Variants in CDH8 observed in about 807,000 individuals in gnomAD.
CDH8 encodes the protein cadherin-8.
In CDH8, 17 loss-of-function variants were observed where a neutral mutation model predicts 68.1. That is an observed-to-expected ratio of 0.25 (90% CI 0.17 to 0.37). The LOEUF (loss-of-function observed/expected upper bound fraction) is 0.37. CDH8 is among the 10% of genes least tolerant of loss of function. CDH8 has a pLI of 1.00. For synonymous variants in CDH8, 372 were observed against 365.1 expected (o/e 1.02, Z -0.21); for missense variants, 763 against 999.3 (o/e 0.76, Z 3.19).
intron 8 of CDH8, among the ~76,000 whole-genome samples, chr16:61,733,026 T>A (rs1378532181): frequency 6.6e-6 from 1 of 151,830 alleles, no homozygotes; most frequent in Non-Finnish European, 1.5e-5. Context: ...TCCTCTAAGA[T>A]TCTTTTAAAA....
chr16:62,003,260 C>T (rs892006493), intron 2 of CDH8, among the ~76,000 whole-genome samples: 1 of 152,148 alleles, frequency 6.6e-6, no homozygotes, highest in Admixed American at 6.5e-5. Flanking sequence ...TTTATTTCAA[C>T]AAATTCCATG....
intron 5 of CDH8, among the ~76,000 whole-genome samples, chr16:61,823,196 T>C (rs1962253866): frequency 6.6e-6 from 1 of 151,874 alleles, no homozygotes; most frequent in South Asian, 2.1e-4. Context: ...TCCTCTATCC[T>C]TTCTAGCTTG....
At chr16:61,745,660 C>T (rs1055928180) in intron 8 of CDH8, among the ~76,000 whole-genome samples, 2 of 146,630 alleles carry the variant, frequency 1.4e-5, no homozygotes, top group Non-Finnish European at 3.0e-5. Context: ...TATATTGTTA[C>T]TTTAACACAC....
At chr16:61,727,455 T>C (rs1959408105) in intron 8 of CDH8, among the ~76,000 whole-genome samples, 1 of 151,138 alleles carries the variant, frequency 6.6e-6, no homozygotes. Context: ...AGACCATTTC[T>C]GAATAAATTA....
chr16:61,966,929 G>T (rs1296746125), intron 2 of CDH8, among the ~76,000 whole-genome samples: 1 of 152,156 alleles, frequency 6.6e-6, no homozygotes, highest in African/African-American at 2.4e-5. Context: ...CATGGGCCAG[G>T]CATGGTGGCT....
At chr16:61,909,495 G>A (rs529242756) in intron 2 of CDH8, among the ~76,000 whole-genome samples, 33 of 152,138 alleles carry the variant, frequency 2.2e-4, no homozygotes, top group African/African-American at 7.2e-4. Flanking sequence ...ACACCTTGTC[G>A]GTGATTCTAC....
At chr16:61,885,003 G>A (rs1276493430) in intron 3 of CDH8, among the ~76,000 whole-genome samples, 1 of 152,064 alleles carries the variant, frequency 6.6e-6, no homozygotes, top group Non-Finnish European at 1.5e-5. Context: ...TGGTAGAGAG[G>A]ATCAACAAGA....
chr16:61,696,902 G>T (rs896343820), intron 10 of CDH8, among the ~76,000 whole-genome samples: 1 of 152,092 alleles, frequency 6.6e-6, no homozygotes, highest in Non-Finnish European at 1.5e-5. Context: ...AGTACACATG[G>T]ACACAAAGAA....
chr16:61,930,798 A>T (rs1483919363), intron 2 of CDH8, among the ~76,000 whole-genome samples: 1 of 152,210 alleles, frequency 6.6e-6, no homozygotes, highest in Non-Finnish European at 1.5e-5. Context: ...TTCTAACCAC[A>T]ATTTTGTCTA....
intron 10 of CDH8, among the ~76,000 whole-genome samples, chr16:61,702,032 T>C (rs1964438993): frequency 6.6e-6 from 1 of 152,170 alleles, no homozygotes; most frequent in South Asian, 2.1e-4. Context: ...GAGTCAGGAC[T>C]ATTAGCCCAA....
chr16:61,826,478 C>T (rs545240817), intron 4 of CDH8, among the ~76,000 whole-genome samples: 1 of 151,840 alleles, frequency 6.6e-6, no homozygotes, highest in Non-Finnish European at 1.5e-5. Context: ...GTCCAGAATA[C>T]TTCTATTGAA....
rs777987297 is a variant in CDH8 at position 61,653,595 on chromosome 16, T to A, written c.*13A>T. On this transcript the variant is annotated 3_prime_UTR_variant, in exon 12 of 12. Coordinates refer to ENST00000577390, the MANE Select transcript of CDH8 (RefSeq NM_001796.5). Reference sequence around the variant, plus strand: ...AGAATGCTCAGTTCCAGTGATTTATTTATAATCCACTGTCAAGTTTCTTTG... The same window carrying A: ...AGAATGCTCAGTTCCAGTGATTTATATATAATCCACTGTCAAGTTTCTTTG... 3.1e-6 allele frequency: 5 copies of A among 1,595,716 alleles called. No individual in the cohort carries two copies. Among genetic ancestry groups the A allele is most frequent in the Non-Finnish European group, 3.4e-6 (4 of 1,172,132 alleles).
At position 61,694,851 on chromosome 16, in the gene CDH8, G is replaced by A. The variant is rs536557268; in HGVS notation, c.1654+18990C>T. On this transcript the variant is annotated intron_variant, in intron 10 of 11. Coordinates refer to ENST00000577390, the MANE Select transcript of CDH8 (RefSeq NM_001796.5). ...GGCTGGAGTGCAGAGGTGTGATCTC[G>A]GCTCACTGCAACCTCCACCTCCTGG... Among the ~76,000 whole-genome samples, 80 of 151,804 alleles carry A rather than the reference G, an allele frequency of 5.3e-4. 1 individual carries two copies. The highest frequency in any genetic ancestry group is 1.4e-3 in the African/African-American group (59 of 41,370).
chr16:61,723,146 A>T (rs1373917685), intron 9 of CDH8, among the ~76,000 whole-genome samples: 1 of 150,746 alleles, frequency 6.6e-6, no homozygotes, highest in Non-Finnish European at 1.5e-5. Flanking sequence ...AATTCTGTAT[A>T]TGGTAACCAA....
chr16:61,691,103 A>G (rs2142830168), intron 10 of CDH8, among the ~76,000 whole-genome samples: 1 of 152,172 alleles, frequency 6.6e-6, no homozygotes, highest in South Asian at 2.1e-4. Flanking sequence ...TAAATCATGC[A>G]CCTTTGTTTG....
intron 8 of CDH8, among the ~76,000 whole-genome samples, chr16:61,771,578 C>G (rs1309620946): frequency 6.6e-6 from 1 of 151,222 alleles, no homozygotes; most frequent in Non-Finnish European, 1.5e-5. Flanking sequence ...GACAGAGGCG[C>G]TCTAAAAAGT....
intron 10 of CDH8, among the ~76,000 whole-genome samples, chr16:61,704,909 T>C (rs1266375389): frequency 3.3e-5 from 5 of 152,158 alleles, no homozygotes; most frequent in African/African-American, 1.2e-4. Flanking sequence ...AATGACTGTC[T>C]GGCCAAGCAA....
At chr16:61,995,446 C>T (rs533440731) in intron 2 of CDH8, among the ~76,000 whole-genome samples, 3 of 152,060 alleles carry the variant, frequency 2.0e-5, no homozygotes, top group Non-Finnish European at 2.9e-5. Context: ...GGCACGATCT[C>T]GGCTCACTGC....
intron 10 of CDH8, chr16:61,692,182 C>G (rs1223324750): frequency 1.3e-5 from 2 of 152,118 alleles, no homozygotes; most frequent in Non-Finnish European, 2.9e-5. Context: ...ATGAGAGTCA[C>G]TCTGCTGACA....
Sources: allele counts gnomAD v4.1 joint callset (sites outside exome capture counted in the v4.1 genomes callset), GRCh38; gene constraint gnomAD v4.1.1; transcripts MANE v1.5; gene names NCBI Gene and HGNC (gene_info 2026-07-23, HGNC 2026-07-21).